SMCHD1: variants seen among roughly 807,000 people sequenced by gnomAD.
SMCHD1 encodes the protein structural maintenance of chromosomes flexible hinge domain-containing protein 1.
A neutral mutation model predicts 254.7 loss-of-function variants in SMCHD1; 78 were observed. The observed-to-expected ratio is 0.31, with a 90% CI of 0.26 to 0.37. The LOEUF (loss-of-function observed/expected upper bound fraction) is 0.37. Among genes scored for constraint, SMCHD1 ranks in the 10% least tolerant of loss-of-function variants. The pLI, the probability that SMCHD1 is intolerant of heterozygous loss-of-function variation, is 1.00. For synonymous variants in SMCHD1, 766 were observed against 794.9 expected, an observed-to-expected ratio of 0.96 and a Z score of 0.61; for missense variants, 1,840 against 2,408.1, an observed-to-expected ratio of 0.76 and a Z score of 4.94.
At chr18:2,665,692 G>C (rs1465856407) in intron 1 of SMCHD1, among the ~76,000 whole-genome samples, 1 of 152,148 alleles carries the variant, frequency 6.6e-6, no homozygotes, top group Non-Finnish European at 1.5e-5. Flanking sequence ...GTCTTACAAA[G>C]CATGGCTGTT....
At chr18:2,673,195 G>C in intron 3 of SMCHD1, 86 bp from the exon 4 acceptor site, 2 of 1,434,546 alleles carry the variant, frequency 1.4e-6, no homozygotes, top group Middle Eastern at 1.8e-4. Flanking sequence ...TGGCTTTAAG[G>C]TACTTGATAG....
At chr18:2,678,855 G>GT (rs869076850) in intron 5 of SMCHD1, among the ~76,000 whole-genome samples, 192 of 28,294 alleles carry the variant, frequency 6.8e-3, no homozygotes, top group African/African-American at 8.8e-3. Flanking sequence ...TTGTTTTTTT[G>GT]TTTTTTTTTT....
At chr18:2,748,265 A>C (rs937871607) in intron 30 of SMCHD1, among the ~76,000 whole-genome samples, 6 of 149,352 alleles carry the variant, frequency 4.0e-5, no homozygotes, top group Non-Finnish European at 8.9e-5. Context: ...GAGAAGCTGC[A>C]TGGGATCTAG....
At chr18:2,752,644 TAA>T in intron 34 of SMCHD1, 92 bp downstream of exon 34, 1 of 748,730 alleles carries the variant, frequency 1.3e-6, no homozygotes, top group Non-Finnish European at 2.2e-6. Context: ...TGAGGAAAAG[TAA>T]TTTATGATCA....
intron 19 of SMCHD1, among the ~76,000 whole-genome samples, chr18:2,722,270 G>C (rs1440914912): frequency 6.6e-6 from 1 of 152,018 alleles, no homozygotes; most frequent in Non-Finnish European, 1.5e-5. Context: ...AGACCCTGCC[G>C]CTACAAAAAA....
intron 10 of SMCHD1, 29 bp from the exon 11 acceptor site, chr18:2,700,510 A>G (rs1373222722): frequency 6.3e-7 from 1 of 1,578,884 alleles, no homozygotes. Flanking sequence ...AGCAATAAAC[A>G]TTTTGTTCCA....
intron 2 of SMCHD1, 139 bp from the exon 3 acceptor site, chr18:2,666,731 G>T (rs776871712): frequency 3.3e-6 from 2 of 603,294 alleles, no homozygotes; most frequent in Non-Finnish European, 5.6e-6. Flanking sequence ...ACATGACTTT[G>T]CTTACAGGTA....
At chr18:2,675,816 A>G (rs1398611799) in intron 5 of SMCHD1, among the ~76,000 whole-genome samples, 1 of 152,212 alleles carries the variant, frequency 6.6e-6, no homozygotes, top group Admixed American at 6.5e-5. Flanking sequence ...TTCATGGGAC[A>G]TTGACTCTGA....
intron 41 of SMCHD1, among the ~76,000 whole-genome samples, chr18:2,773,513 C>T (rs981024425): frequency 2.0e-5 from 3 of 152,114 alleles, no homozygotes; most frequent in Non-Finnish European, 2.9e-5. Context: ...TCTTTTGTCC[C>T]CTCAGAAATA....
chr18:2,661,427 CTG>C (rs2073249761), intron 1 of SMCHD1, among the ~76,000 whole-genome samples: 1 of 149,464 alleles, frequency 6.7e-6, no homozygotes, highest in Admixed American at 6.6e-5. Flanking sequence ...GATTAGAAAT[CTG>C]TGGGTTTTTA....
chr18:2,786,312 T>C (rs1568387705), intron 45 of SMCHD1, among the ~76,000 whole-genome samples: 4 of 147,932 alleles, frequency 2.7e-5, no homozygotes, highest in African/African-American at 9.7e-5. Context: ...TTTATTAAAG[T>C]AAAATACACA....
chr18:2,740,464 TAAAA>T (rs1415181026), intron 27 of SMCHD1, among the ~76,000 whole-genome samples: 1 of 152,132 alleles, frequency 6.6e-6, no homozygotes, highest in South Asian at 2.1e-4. Context: ...ATTTTCATGG[TAAAA>T]AAATCTGATT....
intron 45 of SMCHD1, among the ~76,000 whole-genome samples, chr18:2,788,110 CATTCTCA>C (rs915514705): frequency 3.2e-4 from 48 of 152,298 alleles, no homozygotes; most frequent in African/African-American, 1.1e-3. Context: ...ATCATGGAAT[CATTCTCA>C]GAGCAAAAGC....
intron 24 of SMCHD1, among the ~76,000 whole-genome samples, chr18:2,730,160 GA>G (rs1251417044): frequency 1.3e-5 from 2 of 151,858 alleles, no homozygotes; most frequent in Admixed American, 6.6e-5. Context: ...TACACAAAGG[GA>G]TTTTTTTTAT....
In SMCHD1 at chr18:2,692,032, T is replaced by G. The variant is rs1053184474; in HGVS notation, c.874-2495T>G. On this transcript the variant is annotated intron_variant, in intron 7 of 47. Coordinates refer to ENST00000320876, the MANE Select transcript of SMCHD1 (RefSeq NM_015295.3). ...AATAGCCTCTGCTTCATTTTTGGCA[T>G]CCACATTTTGGCTGGTACATCTAAT... Among the ~76,000 whole-genome samples, 3 of 152,260 alleles carry G rather than the reference T, an allele frequency of 2.0e-5. No individual in the cohort carries two copies. In the East Asian group the frequency reaches 5.8e-4, roughly 29 times the overall value.
chr18:2,694,017 A>C (rs189120979), intron 7 of SMCHD1, among the ~76,000 whole-genome samples: 57 of 152,264 alleles, frequency 3.7e-4, no homozygotes, highest in Middle Eastern at 6.8e-3. Flanking sequence ...CCCTTCCATA[A>C]GTTTTAGATA....
chr18:2,700,287 T>C (rs2074372748), intron 10 of SMCHD1, among the ~76,000 whole-genome samples: 1 of 152,190 alleles, frequency 6.6e-6, no homozygotes, highest in African/African-American at 2.4e-5. Context: ...TCTTTTAGCC[T>C]CATGAATAGG....
intron 43 of SMCHD1, 69 bp downstream of exon 43, chr18:2,777,984 T>C: frequency 9.1e-7 from 1 of 1,101,954 alleles, no homozygotes; most frequent in Non-Finnish European, 1.3e-6. Context: ...TATAAATTAC[T>C]GATAATGAAA....
chr18:2,742,589 A>G (rs1257812176), intron 28 of SMCHD1, among the ~76,000 whole-genome samples: 1 of 152,164 alleles, frequency 6.6e-6, no homozygotes, highest in Non-Finnish European at 1.5e-5. Flanking sequence ...AATTTTGATT[A>G]TTTTACAGTG....
Sources: gnomAD v4.1 joint callset for allele counts (sites outside exome capture counted in the v4.1 genomes callset) on GRCh38, gnomAD v4.1.1 for gene constraint, MANE v1.5 for transcripts, NCBI Gene and HGNC (gene_info 2026-07-23, HGNC 2026-07-21) for gene names.